SHTN1: variants seen among roughly 807,000 people sequenced by gnomAD.
SHTN1 encodes shootin 1.
SHTN1 carries 42 observed loss-of-function variants against 83.1 expected under a neutral mutation model. The observed-to-expected ratio is 0.51, with a 90% CI of 0.39 to 0.65. The LOEUF (loss-of-function observed/expected upper bound fraction) is 0.65. Among genes scored for constraint, SHTN1 ranks in the 30% least tolerant of loss-of-function variants. The pLI is 0.00. For synonymous variants in SHTN1, 224 were observed against 247.7 expected (o/e 0.90, Z 0.90); for missense variants, 622 against 737.8 (o/e 0.84, Z 1.82).
chr10:117,037,098 C>T (rs1852509077), intron 2 of SHTN1, among the ~76,000 whole-genome samples: 1 of 152,158 alleles, frequency 6.6e-6, no homozygotes, highest in African/African-American at 2.4e-5. Flanking sequence ...AAGTCAATCA[C>T]TTTCCTATAT....
chr10:116,979,131 GAAGAA>G (rs1362958513), intron 2 of SHTN1, 120 bp downstream of exon 2: 5 of 765,284 alleles, frequency 6.5e-6, no homozygotes, highest in South Asian at 1.7e-5. Context: ...AGAGAAAAGG[GAAGAA>G]AAGAAAAGAA....
chr10:117,084,995 T>C (rs915920645), intron 1 of SHTN1, among the ~76,000 whole-genome samples: 5 of 152,116 alleles, frequency 3.3e-5, no homozygotes, highest in Non-Finnish European at 7.4e-5. Flanking sequence ...ATCACCCGTC[T>C]TCTGGGTCGC....
chr10:117,082,456 G>C (rs557371090), intron 1 of SHTN1, among the ~76,000 whole-genome samples: 18 of 150,506 alleles, frequency 1.2e-4, no homozygotes, highest in African/African-American at 2.4e-4. Flanking sequence ...TTACTTCCAA[G>C]TATGTGGTCA....
intron 11 of SHTN1, among the ~76,000 whole-genome samples, chr10:116,923,877 T>C (rs914260329): frequency 6.6e-6 from 1 of 152,234 alleles, no homozygotes; most frequent in Non-Finnish European, 1.5e-5. Context: ...TTCTAATTTC[T>C]AGCTTTTTTT....
chr10:116,952,167 T>C (rs1849803493), intron 5 of SHTN1, among the ~76,000 whole-genome samples, 161 bp from the exon 6 acceptor site: 2 of 152,186 alleles, frequency 1.3e-5, no homozygotes, highest in African/African-American at 4.8e-5. Context: ...GAGAATCTCA[T>C]TTGCGTGGCC....
intron 5 of SHTN1, among the ~76,000 whole-genome samples, chr10:116,953,627 T>TTG (rs1554918467): frequency 1.5e-5 from 2 of 137,868 alleles, no homozygotes; most frequent in East Asian, 4.2e-4. Context: ...TGTTTTGTTT[T>TTG]TTTTTTTTTT....
At chr10:117,113,150 G>T (rs1589937556) in intron 1 of SHTN1, among the ~76,000 whole-genome samples, 1 of 152,172 alleles carries the variant, frequency 6.6e-6, no homozygotes, top group Non-Finnish European at 1.5e-5. Context: ...GCACTTACTT[G>T]TCTGAAGTAA....
intron 2 of SHTN1, among the ~76,000 whole-genome samples, chr10:117,011,034 A>G (rs1016471097): frequency 6.6e-6 from 1 of 152,212 alleles, no homozygotes; most frequent in African/African-American, 2.4e-5. Context: ...ATGTGCTTTC[A>G]TCACTGCTAT....
intron 1 of SHTN1, among the ~76,000 whole-genome samples, chr10:117,058,815 A>G (rs1852861127): frequency 6.6e-6 from 1 of 152,252 alleles, no homozygotes; most frequent in South Asian, 2.1e-4. Context: ...ACCCTTAAAA[A>G]GGAAAGAAAT....
intron 13 of SHTN1, among the ~76,000 whole-genome samples, chr10:116,914,159 G>A (rs1848298461): frequency 6.6e-6 from 1 of 152,134 alleles, no homozygotes; most frequent in Non-Finnish European, 1.5e-5. Context: ...TTGCCTGGCT[G>A]TGACAAAGTG....
intron 1 of SHTN1, among the ~76,000 whole-genome samples, chr10:117,106,127 A>T (rs983842473): frequency 4.6e-5 from 7 of 151,974 alleles, no homozygotes; most frequent in Admixed American, 4.6e-4. Flanking sequence ...AAAAAGATAA[A>T]AAAAAGATAC....
intron 1 of SHTN1, among the ~76,000 whole-genome samples, chr10:117,066,667 G>T (rs1853006070): frequency 6.6e-6 from 1 of 152,120 alleles, no homozygotes; most frequent in Non-Finnish European, 1.5e-5. Flanking sequence ...ATATCCAGCT[G>T]AATTTCCCAA....
Position 116,952,031 on chromosome 10 carries a change from T to C in SHTN1, c.437-25A>G, listed in dbSNP as rs971606078. ...TCTGCATTTTTAAAGAAAAAAAATA[T>C]ATAAATAAACTTATTTTTAAAATAA... On this transcript the variant is annotated intron_variant, in intron 5 of 16. Coordinates refer to ENST00000355371, the MANE Select transcript of SHTN1 (RefSeq NM_001127211.3). The C allele has an allele frequency of 5.8e-6, 7 of 1,207,998 alleles. No individual in the cohort carries two copies. The South Asian group carries it at 1.1e-4, about 19-fold the overall frequency. The allele number at this position is 1,207,998 out of a possible 1,614,324, so 74.8% of individuals were successfully genotyped here. A position where few individuals can be genotyped will look rare whatever the true frequency, so the allele number is the denominator to read the frequency against.
At chr10:116,940,409 A>G (rs1234063953) in intron 9 of SHTN1, 57 bp downstream of exon 9, 10 of 1,498,988 alleles carry the variant, frequency 6.7e-6, no homozygotes, top group African/African-American at 2.8e-5. Context: ...TCTTAAATAT[A>G]TGTGTGTATG....
At chr10:116,983,687 A>ATACATAC (rs1851124220) in intron 1 of SHTN1, among the ~76,000 whole-genome samples, 4 of 60,254 alleles carry the variant, frequency 6.6e-5, no homozygotes, top group South Asian at 1.1e-3. Flanking sequence ...TAGATAGATA[A>ATACATAC]ATACATACAT....
At chr10:116,898,679 A>G (rs1344627214) in intron 16 of SHTN1, among the ~76,000 whole-genome samples, 1 of 152,212 alleles carries the variant, frequency 6.6e-6, no homozygotes, top group African/African-American at 2.4e-5. Context: ...AAATAGAAAC[A>G]GAATAAATTA....
At chr10:116,946,723 A>G (rs965424380) in intron 7 of SHTN1, among the ~76,000 whole-genome samples, 1 of 147,898 alleles carries the variant, frequency 6.8e-6, no homozygotes, top group African/African-American at 2.5e-5. Context: ...TTATTTATTT[A>G]TTTTTTGAGA....
At chr10:116,932,759 A>G (rs1314048961) in intron 9 of SHTN1, among the ~76,000 whole-genome samples, 1 of 152,234 alleles carries the variant, frequency 6.6e-6, no homozygotes, top group East Asian at 1.9e-4. Flanking sequence ...GACTGTAAGA[A>G]TAACTGTATA....
intron 15 of SHTN1, 145 bp from the exon 16 acceptor site, chr10:116,902,102 T>C (rs1390270751): frequency 7.1e-6 from 5 of 702,066 alleles, no homozygotes; most frequent in South Asian, 2.1e-5. Flanking sequence ...GAAAATGTTG[T>C]TGGAAATCTG....
Sources: gnomAD v4.1 joint callset for allele counts (sites outside exome capture counted in the v4.1 genomes callset) on GRCh38, gnomAD v4.1.1 for gene constraint, MANE v1.5 for transcripts, NCBI Gene and HGNC (gene_info 2026-07-23, HGNC 2026-07-21) for gene names.